MTMR14: variants seen among roughly 807,000 people sequenced by gnomAD.
MTMR14 encodes the protein myotubularin related protein 14, also known as phosphatidylinositol-3,5-bisphosphate 3-phosphatase MTMR14.
Under a neutral mutation model 86.3 loss-of-function variants are expected in MTMR14, and 48 were observed. The observed-to-expected ratio is 0.56, with a 90% CI of 0.44 to 0.71. The LOEUF (loss-of-function observed/expected upper bound fraction) is 0.71, where lower values mean the gene tolerates loss of function less well. Among genes scored for constraint, MTMR14 ranks in the 30% least tolerant of loss-of-function variants. The pLI, the probability that MTMR14 is intolerant of heterozygous loss-of-function variation, is 0.00. For synonymous variants in MTMR14, 366 were observed against 326.1 expected (o/e 1.12, Z -1.32); for missense variants, 780 against 834.6 (o/e 0.93, Z 0.81).
chr3:9,657,314 A>G (rs1559559324), intron 2 of MTMR14, among the ~76,000 whole-genome samples: 1 of 152,186 alleles, frequency 6.6e-6, no homozygotes, highest in Non-Finnish European at 1.5e-5. Context: ...GGCATATTCT[A>G]ACAAGCTCTC....
chr3:9,675,012 G>A (rs767493327), intron 7 of MTMR14, among the ~76,000 whole-genome samples: 2 of 152,256 alleles, frequency 1.3e-5, no homozygotes, highest in Non-Finnish European at 2.9e-5. Context: ...TCGGGAGGCC[G>A]AGGCAGGAGA....
intron 17 of MTMR14, among the ~76,000 whole-genome samples, chr3:9,692,143 TAGG>T (rs570330778): frequency 5.9e-4 from 90 of 152,350 alleles, no homozygotes; most frequent in Admixed American, 2.2e-3. Context: ...TTTAATGTGG[TAGG>T]AGAAGCTGTT....
chr3:9,654,847 C>G (rs1402023671), intron 2 of MTMR14, among the ~76,000 whole-genome samples: 1 of 152,206 alleles, frequency 6.6e-6, no homozygotes, highest in Non-Finnish European at 1.5e-5. Flanking sequence ...TTCGAATGCA[C>G]TACCAGGTTT....
chr3:9,699,035 G>A (rs778496950), intron 18 of MTMR14, among the ~76,000 whole-genome samples: 1 of 152,044 alleles, frequency 6.6e-6, no homozygotes, highest in East Asian at 1.9e-4. Flanking sequence ...GGGCGAGGTG[G>A]TGAATGCCTA....
chr3:9,698,237 A>T (rs369545867), intron 18 of MTMR14, among the ~76,000 whole-genome samples: 11 of 152,376 alleles, frequency 7.2e-5, no homozygotes, highest in African/African-American at 2.6e-4. Flanking sequence ...GGCCAGAGCC[A>T]GAGTGGTGCT....
chr3:9,674,027 C>T (rs1034983030), intron 7 of MTMR14, among the ~76,000 whole-genome samples: 37 of 152,020 alleles, frequency 2.4e-4, no homozygotes, highest in Admixed American at 1.6e-3. Context: ...TGTATCCTAC[C>T]TAAGGGGGTC....
At chr3:9,689,666 G>C (rs2076075882) in intron 16 of MTMR14, among the ~76,000 whole-genome samples, 1 of 152,168 alleles carries the variant, frequency 6.6e-6, no homozygotes, top group South Asian at 2.1e-4. Flanking sequence ...CCGTCTTTTA[G>C]AGGGGGAAAA....
intron 9 of MTMR14, among the ~76,000 whole-genome samples, chr3:9,680,477 A>G (rs2075724972): frequency 6.6e-6 from 1 of 152,196 alleles, no homozygotes; most frequent in South Asian, 2.1e-4. Flanking sequence ...CTCAGAATAC[A>G]ATGCAAGAAC....
intron 12 of MTMR14, 99 bp from the exon 13 acceptor site, chr3:9,685,112 C>T (rs574004156): frequency 7.3e-5 from 113 of 1,544,442 alleles, no homozygotes; most frequent in Middle Eastern, 1.7e-4. Context: ...CCACCTGCCA[C>T]GCTGGTGCCA....
At chr3:9,658,176 G>T (rs1473143807) in intron 2 of MTMR14, among the ~76,000 whole-genome samples, 1 of 152,204 alleles carries the variant, frequency 6.6e-6, no homozygotes, top group Non-Finnish European at 1.5e-5. Context: ...GGGTATGTTT[G>T]GGTGGGAAGA....
intron 3 of MTMR14, among the ~76,000 whole-genome samples, chr3:9,668,194 T>C (rs2048361913): frequency 6.6e-6 from 1 of 152,206 alleles, no homozygotes; most frequent in African/African-American, 2.4e-5. Flanking sequence ...TTGCCCCCGC[T>C]AGAAAGGTTG....
chr3:9,695,611 T>C (rs972489260), intron 17 of MTMR14, among the ~76,000 whole-genome samples: 1 of 152,192 alleles, frequency 6.6e-6, no homozygotes, highest in African/African-American at 2.4e-5. Context: ...TCCATCCCAT[T>C]GGTCATGTTT....
At chr3:9,673,415 G>A (rs796665945) in intron 7 of MTMR14, among the ~76,000 whole-genome samples, 4 of 152,324 alleles carry the variant, frequency 2.6e-5, no homozygotes, top group African/African-American at 7.2e-5. Flanking sequence ...TAAAGCTGTT[G>A]GTCTAGTGTG....
chr3:9,672,457 T>G (rs2048618106), intron 6 of MTMR14, among the ~76,000 whole-genome samples: 1 of 152,164 alleles, frequency 6.6e-6, no homozygotes, highest in Non-Finnish European at 1.5e-5. Flanking sequence ...TCCAGGCTGG[T>G]CTTGACGGGG....
At chr3:9,663,755 C>T (rs894114211) in intron 3 of MTMR14, among the ~76,000 whole-genome samples, 1 of 151,490 alleles carries the variant, frequency 6.6e-6, no homozygotes, top group Non-Finnish European at 1.5e-5. Context: ...CCTTGTGATC[C>T]TCCTGCCTCG....
chr3:9,666,283 G>A (rs2048254603), intron 3 of MTMR14, among the ~76,000 whole-genome samples: 1 of 151,998 alleles, frequency 6.6e-6, no homozygotes, highest in Admixed American at 6.6e-5. Context: ...ATAGGCACGT[G>A]CCTCCACACC....
chr3:9,676,507 TGA>T (rs1255304556), intron 7 of MTMR14, among the ~76,000 whole-genome samples: 1 of 152,262 alleles, frequency 6.6e-6, no homozygotes, highest in Non-Finnish European at 1.5e-5. Context: ...TGCTGCCATT[TGA>T]GTGTCACTTG....
At chr3:9,698,469 C>CATGG (rs2076351084) in intron 18 of MTMR14, among the ~76,000 whole-genome samples, 1 of 152,250 alleles carries the variant, frequency 6.6e-6, no homozygotes, top group African/African-American at 2.4e-5. Context: ...TCTGCCGCTT[C>CATGG]ATGGATGTCA....
intron 1 of MTMR14, chr3:9,650,198 C>G (rs1268541845): frequency 7.6e-6 from 3 of 392,910 alleles, no homozygotes; most frequent in African/African-American, 6.2e-5. Context: ...CTTATAAGGT[C>G]TCAGCATGAC....
Sources: allele counts gnomAD v4.1 joint callset (sites outside exome capture counted in the v4.1 genomes callset), GRCh38; gene constraint gnomAD v4.1.1; transcripts MANE v1.5; gene names NCBI Gene and HGNC (gene_info 2026-07-23, HGNC 2026-07-21).